Variants in STRBP observed in about 807,000 individuals in gnomAD.
STRBP encodes the protein spermatid perinuclear RNA binding protein.
STRBP carries 13 observed loss-of-function variants against 80.1 expected under a neutral mutation model. That is an observed-to-expected ratio of 0.16 (90% confidence interval 0.11 to 0.26). STRBP has a LOEUF of 0.26. Ranked by LOEUF, STRBP falls within the 10% of genes least tolerant of loss-of-function variation. The pLI, the probability that STRBP is intolerant of heterozygous loss-of-function variation, is 1.00. For missense variants in STRBP, 485 were observed against 815.2 expected (o/e 0.59, Z 4.93); for synonymous variants, 284 against 291.2 (o/e 0.98, Z 0.25).
chr9:123,266,340 A>C (rs1456117647), intron 1 of STRBP, among the ~76,000 whole-genome samples: 2 of 151,988 alleles, frequency 1.3e-5, no homozygotes, highest in Non-Finnish European at 2.9e-5. Context: ...AAGCAGGCTC[A>C]ACGATCTCTC....
intron 5 of STRBP, among the ~76,000 whole-genome samples, chr9:123,170,385 C>A (rs1231956400): frequency 6.6e-6 from 1 of 152,174 alleles, no homozygotes; most frequent in Non-Finnish European, 1.5e-5. Flanking sequence ...AAAATTATTA[C>A]AGAGAACTAT....
intron 13 of STRBP, among the ~76,000 whole-genome samples, chr9:123,144,816 A>T (rs146812885): frequency 0.012 from 1,773 of 152,380 alleles, 21 homozygotes; most frequent in Non-Finnish European, 0.019. Context: ...ATAAAGCTAT[A>T]GAGTCATAAA....
intron 2 of STRBP, among the ~76,000 whole-genome samples, chr9:123,223,902 AC>A (rs1481691013): frequency 6.6e-6 from 1 of 152,178 alleles, no homozygotes; most frequent in African/African-American, 2.4e-5. Flanking sequence ...TTTATTTTTT[AC>A]TTCTGACACA....
At chr9:123,135,788 A>G in intron 16 of STRBP, 1 of 270,936 alleles carries the variant, frequency 3.7e-6, no homozygotes, top group Non-Finnish European at 6.9e-6. Context: ...CCCTCCAAAT[A>G]ATGCTAATAG....
At chr9:123,228,487 C>T (rs1449084653) in intron 2 of STRBP, among the ~76,000 whole-genome samples, 2 of 152,086 alleles carry the variant, frequency 1.3e-5, no homozygotes, top group Admixed American at 6.6e-5. Flanking sequence ...GGGAGCTGCA[C>T]ACAACATGCA....
chr9:123,215,484 T>C (rs925355472), intron 2 of STRBP, among the ~76,000 whole-genome samples: 3 of 152,200 alleles, frequency 2.0e-5, no homozygotes, highest in South Asian at 2.1e-4. Flanking sequence ...CAAATATTTA[T>C]TGTATACAAA....
chr9:123,241,686 C>T (rs181827865), intron 1 of STRBP, among the ~76,000 whole-genome samples: 37 of 152,186 alleles, frequency 2.4e-4, no homozygotes, highest in African/African-American at 7.9e-4. Flanking sequence ...ATACAGAACA[C>T]ATCCTGTTGA....
intron 1 of STRBP, among the ~76,000 whole-genome samples, chr9:123,254,550 T>C (rs2040986457): frequency 6.6e-6 from 1 of 151,454 alleles, no homozygotes; most frequent in South Asian, 2.1e-4. Flanking sequence ...TTTCAACTAG[T>C]GCCTTAACCT....
intron 11 of STRBP, among the ~76,000 whole-genome samples, chr9:123,154,295 C>A (rs2037185746): frequency 6.6e-6 from 1 of 152,164 alleles, no homozygotes; most frequent in Admixed American, 6.5e-5. Context: ...CAACATAAAT[C>A]AATCCCAAAG....
chr9:123,255,924 A>G (rs879879550), intron 1 of STRBP, among the ~76,000 whole-genome samples: 1 of 151,984 alleles, frequency 6.6e-6, no homozygotes, highest in Non-Finnish European at 1.5e-5. Context: ...CTGCCAATCA[A>G]GTAGGCTTGA....
chr9:123,162,639 TAC>T (rs1418421192), intron 6 of STRBP, among the ~76,000 whole-genome samples: 1 of 150,684 alleles, frequency 6.6e-6, no homozygotes, highest in Non-Finnish European at 1.5e-5. Flanking sequence ...GCTGAAGTGC[TAC>T]ACACTTATTT....
intron 16 of STRBP, among the ~76,000 whole-genome samples, chr9:123,135,204 T>G (rs904698991): frequency 6.6e-6 from 1 of 152,162 alleles, no homozygotes; most frequent in Non-Finnish European, 1.5e-5. Context: ...AATTCTACCC[T>G]CCTACAATGG....
intron 17 of STRBP, among the ~76,000 whole-genome samples, chr9:123,129,734 C>G (rs767695877): frequency 6.6e-6 from 1 of 152,208 alleles, no homozygotes; most frequent in Non-Finnish European, 1.5e-5. Context: ...CTCTGAATGC[C>G]AAGTTCTAAA....
At chr9:123,118,788 C>T (rs1055238527), downstream of STRBP, among the ~76,000 whole-genome samples, 1 of 152,214 alleles carries the variant, frequency 6.6e-6, no homozygotes, top group Non-Finnish European at 1.5e-5. Context: ...ATGTTCCCCA[C>T]TTAGCTCACC....
intron 1 of STRBP, among the ~76,000 whole-genome samples, chr9:123,255,231 A>C (rs903484400): frequency 3.3e-5 from 5 of 152,226 alleles, no homozygotes; most frequent in Admixed American, 3.3e-4. Context: ...TAGGCTGTTA[A>C]AGAAATGTTT....
At chr9:123,174,644 A>G (rs1471091232) in intron 4 of STRBP, among the ~76,000 whole-genome samples, 2 of 152,222 alleles carry the variant, frequency 1.3e-5, no homozygotes, top group Non-Finnish European at 2.9e-5. Flanking sequence ...ATATCATTCT[A>G]AAGTGCCTCC....
intron 7 of STRBP, 141 bp downstream of exon 7, chr9:123,160,836 C>G (rs1240154617): frequency 1.6e-6 from 1 of 642,582 alleles, no homozygotes. Flanking sequence ...TCTAAATTAA[C>G]TCAATTACTC....
chr9:123,166,972 C>A (rs1385788434), intron 6 of STRBP, among the ~76,000 whole-genome samples: 4 of 152,082 alleles, frequency 2.6e-5, no homozygotes, highest in Non-Finnish European at 5.9e-5. Flanking sequence ...GTAAACAATA[C>A]CAAAGAGATT....
At chr9:123,189,130 T>C (rs1334519199) in intron 2 of STRBP, among the ~76,000 whole-genome samples, 1 of 151,882 alleles carries the variant, frequency 6.6e-6, no homozygotes, top group Non-Finnish European at 1.5e-5. Flanking sequence ...TATGCAGCCA[T>C]AAAAAATGAT....
Sources: gnomAD v4.1 joint callset for allele counts (sites outside exome capture counted in the v4.1 genomes callset) on GRCh38, gnomAD v4.1.1 for gene constraint, MANE v1.5 for transcripts, NCBI Gene and HGNC (gene_info 2026-07-23, HGNC 2026-07-21) for gene names.